Variants in EIPR1 observed in about 807,000 individuals in gnomAD.
EIPR1 encodes the protein EARP complex and GARP complex interacting protein 1, also known as EARP and GARP complex-interacting protein 1.
In EIPR1, 25 loss-of-function variants were observed where a neutral mutation model predicts 48.1. That is an observed-to-expected ratio of 0.52 (90% CI 0.38 to 0.73). The LOEUF is 0.73. Among genes scored for constraint, EIPR1 ranks in the 30% least tolerant of loss-of-function variants. The pLI is 0.00. For synonymous variants in EIPR1, 204 were observed against 201.9 expected, an observed-to-expected ratio of 1.01 and a Z score of -0.09; for missense variants, 415 against 506.2, an observed-to-expected ratio of 0.82 and a Z score of 1.73.
chr2:3,262,857 C>T (rs553972959), intron 3 of EIPR1, among the ~76,000 whole-genome samples: 24 of 152,216 alleles, frequency 1.6e-4, no homozygotes, highest in Non-Finnish European at 2.5e-4. Flanking sequence ...ATACCCACCA[C>T]GGCACAGGGT....
Position 3,351,906 on chromosome 2 carries a change from T to C in EIPR1, c.126+2644A>G, listed in dbSNP as rs75943630. 0.027 allele frequency among the ~76,000 whole-genome samples: 4,037 copies of C among 152,294 alleles called. 513 individuals carry two copies. In the East Asian group the frequency reaches 0.4, roughly 15 times the overall value. ...TTCATAAGTCTAAATCACATACCATTCTGAGTAGTGTGGTGAAGTCTGGAG... is the reference window on the plus strand; with the variant it reads ...TTCATAAGTCTAAATCACATACCATCCTGAGTAGTGTGGTGAAGTCTGGAG... On this transcript the variant is annotated intron_variant, in intron 2 of 8. Coordinates refer to ENST00000382125, the MANE Select transcript of EIPR1 (RefSeq NM_003310.5).
chr2:3,345,873 G>A (rs1490627497), intron 2 of EIPR1, among the ~76,000 whole-genome samples: 1 of 152,068 alleles, frequency 6.6e-6, no homozygotes, highest in African/African-American at 2.4e-5. Flanking sequence ...GGGAAATAGG[G>A]CACCATGTTA....
intron 3 of EIPR1, among the ~76,000 whole-genome samples, chr2:3,328,199 C>G (rs1250045560): frequency 1.3e-5 from 2 of 152,216 alleles, no homozygotes; most frequent in African/African-American, 2.4e-5. Context: ...AGCAGACTAC[C>G]TCAGACGGGA....
At chr2:3,345,101 G>T (rs1399291555) in intron 2 of EIPR1, among the ~76,000 whole-genome samples, 1 of 152,172 alleles carries the variant, frequency 6.6e-6, no homozygotes, top group Non-Finnish European at 1.5e-5. Context: ...GAACTGTGCA[G>T]AAAGTGACAC....
intron 5 of EIPR1, among the ~76,000 whole-genome samples, chr2:3,202,184 G>A (rs879867215): frequency 4.7e-4 from 72 of 152,226 alleles, no homozygotes; most frequent in Admixed American, 1.8e-3. Flanking sequence ...TGATCCGTCC[G>A]CCTCGGCCTC....
Position 3,192,508 on chromosome 2 carries a change from G to C in EIPR1, c.895C>G (p.Leu299Val). 2 of 1,613,260 alleles carry C rather than the reference G, an allele frequency of 1.2e-6. No individual in the cohort carries two copies. The highest frequency in any genetic ancestry group is 1.7e-6 in the Non-Finnish European group (2 of 1,179,918). ...GACGAGATGGACACCATGTTGGAAAGGATGACTCTGCTGTCACTGCTGCCC... is the reference window on the plus strand; with the variant it reads ...GACGAGATGGACACCATGTTGGAAACGATGACTCTGCTGTCACTGCTGCCC... ...LTGSSDSRVI[L>V]SNMVSISSEP... The change falls in exon 8 of 9, where the codon CTT becomes GTT. Residue 299 changes from leucine (L) to valine (V), a missense_variant. Coordinates refer to ENST00000382125, the MANE Select transcript of EIPR1 (RefSeq NM_003310.5).
chr2:3,257,853 T>TA (rs1667210339), intron 3 of EIPR1, among the ~76,000 whole-genome samples: 1 of 152,238 alleles, frequency 6.6e-6, no homozygotes, highest in South Asian at 2.1e-4. Context: ...TTTCTCTCCA[T>TA]AGCTGTATGA....
At chr2:3,216,106 T>C (rs1665621493) in intron 4 of EIPR1, among the ~76,000 whole-genome samples, 1 of 152,202 alleles carries the variant, frequency 6.6e-6, no homozygotes, top group African/African-American at 2.4e-5. Flanking sequence ...GCCCAGTTAC[T>C]GCAGGTAAAC....
At chr2:3,368,022 G>A (rs764502897) in intron 1 of EIPR1, among the ~76,000 whole-genome samples, 43 of 152,136 alleles carry the variant, frequency 2.8e-4, no homozygotes, top group Non-Finnish European at 5.1e-4. Flanking sequence ...TCCAGCCCGG[G>A]TGACAGAGCG....
chr2:3,259,485 A>C (rs967564732), intron 3 of EIPR1, among the ~76,000 whole-genome samples: 1 of 152,204 alleles, frequency 6.6e-6, no homozygotes, highest in African/African-American at 2.4e-5. Context: ...CACCAGATAC[A>C]ATGTTTAAGT....
At chr2:3,340,114 G>A (rs1033958821) in intron 2 of EIPR1, among the ~76,000 whole-genome samples, 1 of 152,256 alleles carries the variant, frequency 6.6e-6, no homozygotes, top group African/African-American at 2.4e-5. Flanking sequence ...AGAAATGTGA[G>A]CCAATAAAAC....
At chr2:3,210,179 GA>G (rs533127370) in intron 5 of EIPR1, among the ~76,000 whole-genome samples, 232 of 135,248 alleles carry the variant, frequency 1.7e-3, no homozygotes, top group African/African-American at 3.5e-3. Context: ...TAAAAGAAAA[GA>G]AAAAAAAAAA....
At chr2:3,342,520 C>T (rs1451431728) in intron 2 of EIPR1, among the ~76,000 whole-genome samples, 1 of 152,226 alleles carries the variant, frequency 6.6e-6, no homozygotes, top group Non-Finnish European at 1.5e-5. Context: ...AGCGTGGCCC[C>T]CAAGCTGGCC....
At chr2:3,349,679 C>G (rs1670511119) in intron 2 of EIPR1, among the ~76,000 whole-genome samples, 1 of 150,506 alleles carries the variant, frequency 6.6e-6, no homozygotes, top group Non-Finnish European at 1.5e-5. Context: ...GAGATGGGGA[C>G]AGGGAGGACG....
chr2:3,376,003 G>A (rs368572549), intron 1 of EIPR1, among the ~76,000 whole-genome samples: 124 of 152,202 alleles, frequency 8.1e-4, no homozygotes, highest in African/African-American at 2.9e-3. Flanking sequence ...GGCAGGGTGC[G>A]GTGGCTCATG....
chr2:3,350,117 CAAAAAAAAAAA>C (rs35912767), intron 2 of EIPR1, among the ~76,000 whole-genome samples: 13 of 57,446 alleles, frequency 2.3e-4, no homozygotes, highest in Middle Eastern at 0.017. Flanking sequence ...GACTCTGTCT[CAAAAAAAAAAA>C]AAAAAAAAAA....
intron 1 of EIPR1, 152 bp downstream of exon 1, chr2:3,377,496 C>G: frequency 1.0e-6 from 1 of 997,328 alleles, no homozygotes; most frequent in Non-Finnish European, 1.5e-6. Context: ...CCTCCTAAAG[C>G]CTCAGTTTAC....
chr2:3,324,964 G>A lies in EIPR1; in HGVS notation c.259+13053C>T, dbSNP rs147912917. Reference sequence around the variant, plus strand: ...CAGGTTCCCACAATCTGGCAGGACCGCCACCCTCAGCAAGGCCAAAGAACG... The same window carrying A: ...CAGGTTCCCACAATCTGGCAGGACCACCACCCTCAGCAAGGCCAAAGAACG... On this transcript the variant is annotated intron_variant, in intron 3 of 8. Transcript: ENST00000382125. Among the ~76,000 whole-genome samples, 247 of 152,288 alleles carry A rather than the reference G, an allele frequency of 1.6e-3. 1 individual carries two copies. The highest frequency in any genetic ancestry group is 5.6e-3 in the African/African-American group (233 of 41,562).
chr2:3,306,836 CA>C (rs1170033812), intron 3 of EIPR1, among the ~76,000 whole-genome samples: 1 of 152,128 alleles, frequency 6.6e-6, no homozygotes, highest in Admixed American at 6.5e-5. Flanking sequence ...CCCCCCAGTC[CA>C]AACCCATGTT....
Sources: gnomAD v4.1 joint callset for allele counts (sites outside exome capture counted in the v4.1 genomes callset) on GRCh38, gnomAD v4.1.1 for gene constraint, MANE v1.5 for transcripts, NCBI Gene and HGNC (gene_info 2026-07-23, HGNC 2026-07-21) for gene names.